Variants in RALGAPA1 observed in about 807,000 individuals in gnomAD.
RALGAPA1 encodes Ral GTPase activating protein catalytic subunit alpha 1.
Under a neutral mutation model 269.6 loss-of-function variants are expected in RALGAPA1, and 52 were observed. The ratio of observed to expected loss-of-function variants is 0.19; its 90% confidence interval spans 0.15 to 0.24. The LOEUF (loss-of-function observed/expected upper bound fraction) is 0.24, where lower values mean the gene tolerates loss of function less well. Ranked by LOEUF, RALGAPA1 falls within the 10% of genes least tolerant of loss-of-function variation. The probability of loss-of-function intolerance (pLI) is 1.00; values close to 1 mark genes in which losing one functional copy is unlikely to be tolerated. For missense variants in RALGAPA1, 1,917 were observed against 3,013.9 expected (o/e 0.64, Z 8.52); for synonymous variants, 817 against 1,008.3 (o/e 0.81, Z 3.60).
At chr14:35,804,820 TA>T (rs1249973683) in intron 1 of RALGAPA1, among the ~76,000 whole-genome samples, 7 of 151,064 alleles carry the variant, frequency 4.6e-5, no homozygotes, top group Admixed American at 4.0e-4. Context: ...TCCCAGCTAC[TA>T]GGGAGGTAGA....
intron 35 of RALGAPA1, among the ~76,000 whole-genome samples, chr14:35,609,530 A>G (rs1351707933): frequency 6.6e-6 from 1 of 152,238 alleles, no homozygotes; most frequent in Admixed American, 6.5e-5. Context: ...TGGGAAATTT[A>G]CAGATCTAAA....
At chr14:35,664,028 C>T (rs902086973) in intron 27 of RALGAPA1, among the ~76,000 whole-genome samples, 1 of 152,098 alleles carries the variant, frequency 6.6e-6, no homozygotes, top group African/African-American at 2.4e-5. Context: ...TACCAGAAAA[C>T]ATTTTGAAGA....
intron 26 of RALGAPA1, among the ~76,000 whole-genome samples, chr14:35,668,188 A>G (rs55744925): frequency 0.12 from 17,647 of 152,226 alleles, 1,123 homozygotes; most frequent in South Asian, 0.14. Context: ...ATACAAATGT[A>G]TTTAAAATGT....
intron 31 of RALGAPA1, among the ~76,000 whole-genome samples, chr14:35,650,504 T>C (rs951050058): frequency 5.3e-5 from 8 of 152,160 alleles, no homozygotes; most frequent in Admixed American, 2.0e-4. Context: ...GTTCAAATGG[T>C]GTTTAAACTG....
chr14:35,672,891 A>G lies in RALGAPA1; in HGVS notation c.5049T>C (p.His1683=), dbSNP rs2064597276. ...DFLTHFYNIM[H]CGLLHIDQDI... ...CCTGGTCAATATGAAGTAATCCACAATGCATTATATTGTAGAAATGTGTTA... is the reference window on the plus strand; with the variant it reads ...CCTGGTCAATATGAAGTAATCCACAGTGCATTATATTGTAGAAATGTGTTA... The change falls in exon 25 of 42, where the codon CAT becomes CAC. Residue 1683 remains histidine (H), a synonymous_variant. Coordinates refer to ENST00000680220, the MANE Select transcript of RALGAPA1 (RefSeq NM_001346249.2). The G allele has an allele frequency of 6.4e-6, 10 of 1,553,620 alleles. No individual in the cohort carries two copies. Among genetic ancestry groups the G allele is most frequent in the Non-Finnish European group, 8.7e-6 (10 of 1,150,868 alleles).
intron 4 of RALGAPA1, chr14:35,766,791 C>T (rs1378724884): frequency 2.0e-6 from 1 of 508,008 alleles, no homozygotes; most frequent in African/African-American, 1.9e-5. Context: ...CTAACTCCCA[C>T]CACCTTGAGT....
intron 17 of RALGAPA1, among the ~76,000 whole-genome samples, chr14:35,695,185 A>G (rs994688639): frequency 7.9e-5 from 12 of 152,046 alleles, no homozygotes; most frequent in African/African-American, 2.9e-4. Context: ...GTAAGCTAGG[A>G]TGGCACCACA....
At chr14:35,555,756 A>G (rs1254375288) in intron 39 of RALGAPA1, among the ~76,000 whole-genome samples, 2 of 152,190 alleles carry the variant, frequency 1.3e-5, no homozygotes, top group Admixed American at 6.5e-5. Context: ...ATTTGCTTGG[A>G]TAAACAAAGC....
intron 16 of RALGAPA1, among the ~76,000 whole-genome samples, chr14:35,712,531 C>T (rs2068447305): frequency 6.6e-6 from 1 of 152,066 alleles, no homozygotes; most frequent in African/African-American, 2.4e-5. Context: ...TTTTCTTAGA[C>T]TGGAACTTGC....
rs551930931 is a variant in RALGAPA1, at chr14:35,734,482, G to A, written c.1587+4031C>T. 6.6e-5 allele frequency among the ~76,000 whole-genome samples: 10 copies of A among 152,290 alleles called. No homozygotes were observed. In the South Asian group the frequency reaches 2.1e-3, roughly 32 times the overall value. ...GGACACCTTTTCAATAAATGGTGCT[G>A]GGATGATAGGTTAGCCACATGTAGC... On this transcript the variant is annotated intron_variant, in intron 12 of 41. Coordinates refer to ENST00000680220, the MANE Select transcript of RALGAPA1 (RefSeq NM_001346249.2).
chr14:35,554,701 G>C (rs1411120322), intron 39 of RALGAPA1, among the ~76,000 whole-genome samples: 1 of 152,118 alleles, frequency 6.6e-6, no homozygotes, highest in Non-Finnish European at 1.5e-5. Context: ...GGCAGATTTG[G>C]TGGTTCTTCA....
chr14:35,613,759 G>C (rs2060090751), intron 35 of RALGAPA1, among the ~76,000 whole-genome samples: 1 of 152,294 alleles, frequency 6.6e-6, no homozygotes, highest in South Asian at 2.1e-4. Flanking sequence ...CTAGTGCAGT[G>C]TGACCTCATC....
intron 39 of RALGAPA1, among the ~76,000 whole-genome samples, chr14:35,560,514 A>G (rs2056107015): frequency 1.3e-5 from 2 of 152,096 alleles, no homozygotes; most frequent in African/African-American, 4.8e-5. Flanking sequence ...CTCTCACCCT[A>G]TCCTCTCCCA....
intron 37 of RALGAPA1, 149 bp downstream of exon 37, chr14:35,595,485 A>G: frequency 1.5e-6 from 1 of 680,508 alleles, no homozygotes; most frequent in Non-Finnish European, 2.6e-6. Context: ...TTGCTGTACA[A>G]CCACCCTATT....
Position 35,683,944 on chromosome 14 carries a change from C to A in RALGAPA1, c.4336G>T (p.Asp1446Tyr). Residue 1446 changes from aspartate to tyrosine, a missense_variant, in exon 21 of 42, where the codon GAT (aspartate) becomes TAT (tyrosine). This residue lies in a region of RALGAPA1 where 615 missense variants were observed against 790.0 expected (regional missense o/e 0.78). Coordinates refer to ENST00000680220, the MANE Select transcript of RALGAPA1 (RefSeq NM_001346249.2). ...GTDTGVTSSA[D>Y]VDSGSGHHQS... ...TGATGGCCAGAACCTGAATCCACAT[C>A]AGCAGAGGACGTAACCCCAGTGTCG... The A allele has an allele frequency of 6.2e-7, 1 of 1,613,372 alleles. No individual in the cohort carries two copies. Among genetic ancestry groups the A allele is most frequent in the Non-Finnish European group, 8.5e-7 (1 of 1,179,604 alleles).
chr14:35,715,885 A>T lies in RALGAPA1; in HGVS notation c.2266+5803T>A, dbSNP rs1002216542. On this transcript the variant is annotated intron_variant, in intron 16 of 41. Transcript: ENST00000680220. ...CTTACTGCTCATCACTCCATTTTCC[A>T]CTCATAGTTTTATTTTGGTCAAGGA... 3.8e-5 allele frequency: 37 copies of T among 984,990 alleles called. No individual in the cohort carries two copies. In the African/African-American group the frequency reaches 5.6e-4, roughly 15 times the overall value. The allele number at this position is 984,990 out of a possible 1,614,324, so 61.0% of individuals were successfully genotyped here.
chr14:35,731,097 G>A (rs1268566500), intron 12 of RALGAPA1, among the ~76,000 whole-genome samples: 9 of 152,222 alleles, frequency 5.9e-5, no homozygotes, highest in Non-Finnish European at 4.4e-5. Context: ...CCTGGAGCCG[G>A]GGAGACTAGC....
Position 35,685,084 on chromosome 14 carries a change from A to G in RALGAPA1, c.4139T>C (p.Ile1380Thr). Residue 1380 changes from isoleucine to threonine, a missense_variant, in exon 20 of 42, where the codon ATT becomes ACT. Transcript: ENST00000680220. ...GCGCATCTGGTTCTGCTTGTTTAGAATATCAGGGAGGTCTTTGGGAATTTC... is the reference window on the plus strand; with the variant it reads ...GCGCATCTGGTTCTGCTTGTTTAGAGTATCAGGGAGGTCTTTGGGAATTTC... ...SLEIPKDLPD[I>T]LNKQNQMRPI... 2 of 1,582,168 alleles carry G rather than the reference A, an allele frequency of 1.3e-6. No individual in the cohort carries two copies. Among genetic ancestry groups the G allele is most frequent in the Middle Eastern group, 1.7e-4 (1 of 6,022 alleles).
intron 35 of RALGAPA1, among the ~76,000 whole-genome samples, chr14:35,608,596 G>A (rs1173053382): frequency 2.6e-5 from 4 of 152,158 alleles, no homozygotes; most frequent in Non-Finnish European, 5.9e-5. Flanking sequence ...AAATGTTAGA[G>A]ATAGAGATAT....
Sources: gnomAD v4.1 joint callset for allele counts (sites outside exome capture counted in the v4.1 genomes callset) on GRCh38, gnomAD v4.1.1 for gene constraint, gnomAD v4.1.1 regional missense constraint, MANE v1.5 for transcripts, NCBI Gene and HGNC (gene_info 2026-07-23, HGNC 2026-07-21) for gene names.